The following PTPRG variants were observed in gnomAD, a reference collection of about 807,000 sequenced individuals.
The protein encoded by PTPRG is receptor-type tyrosine-protein phosphatase gamma.
Under a neutral mutation model 165.3 loss-of-function variants are expected in PTPRG, and 102 were observed. The observed-to-expected ratio is 0.62, with a 90% CI of 0.53 to 0.73. The LOEUF is 0.73. Ranked by LOEUF, PTPRG falls within the 30% of genes least tolerant of loss-of-function variation. The pLI, the probability that PTPRG is intolerant of heterozygous loss-of-function variation, is 0.00. For synonymous variants in PTPRG, 675 were observed against 669.5 expected (o/e 1.01, Z -0.13); for missense variants, 1,866 against 1,861.4 (o/e 1.00, Z -0.05).
At chr3:62,155,397 A>G (rs1165532081) in intron 6 of PTPRG, among the ~76,000 whole-genome samples, 2 of 152,198 alleles carry the variant, frequency 1.3e-5, no homozygotes, top group African/African-American at 4.8e-5. Flanking sequence ...CTAAGAGAGC[A>G]TAGTGATGTG....
At chr3:62,014,097 A>C (rs1356674250) in intron 4 of PTPRG, among the ~76,000 whole-genome samples, 4 of 152,254 alleles carry the variant, frequency 2.6e-5, no homozygotes, top group Non-Finnish European at 5.9e-5. Flanking sequence ...AGCCTTTAGC[A>C]AGTTCTTTAG....
chr3:62,062,408 G>A (rs1575953410), intron 4 of PTPRG, among the ~76,000 whole-genome samples: 1 of 152,146 alleles, frequency 6.6e-6, no homozygotes, highest in African/African-American at 2.4e-5. Context: ...GTATACAGGT[G>A]TTCACAGCAA....
At chr3:61,640,390 G>T (rs1395055727) in intron 1 of PTPRG, among the ~76,000 whole-genome samples, 1 of 152,174 alleles carries the variant, frequency 6.6e-6, no homozygotes, top group Non-Finnish European at 1.5e-5. Context: ...TTTCTCTCCA[G>T]TGTATATGTG....
intron 14 of PTPRG, among the ~76,000 whole-genome samples, chr3:62,242,443 T>C (rs1376172410): frequency 1.3e-5 from 2 of 152,212 alleles, no homozygotes; most frequent in African/African-American, 4.8e-5. Context: ...GCAGTCTAGA[T>C]TGATTCTAGA....
chr3:62,123,146 C>G (rs1244429749), intron 5 of PTPRG, among the ~76,000 whole-genome samples: 1 of 152,180 alleles, frequency 6.6e-6, no homozygotes, highest in Non-Finnish European at 1.5e-5. Context: ...ATCAAGGTGT[C>G]AACTGGGACT....
At chr3:61,711,544 T>C (rs907700282) in intron 1 of PTPRG, among the ~76,000 whole-genome samples, 1 of 152,218 alleles carries the variant, frequency 6.6e-6, no homozygotes, top group South Asian at 2.1e-4. Flanking sequence ...TTCTTTCATG[T>C]TTTTTGGCTG....
chr3:61,971,788 T>C (rs79353171), intron 2 of PTPRG, among the ~76,000 whole-genome samples: 15,441 of 152,332 alleles, frequency 0.1, 1,032 homozygotes, highest in Non-Finnish European at 0.15. Flanking sequence ...ACAATTAAAC[T>C]GGTTGACATT....
At chr3:61,944,634 A>C (rs1296664061) in intron 2 of PTPRG, among the ~76,000 whole-genome samples, 1 of 152,208 alleles carries the variant, frequency 6.6e-6, no homozygotes, top group African/African-American at 2.4e-5. Context: ...TGGATTCATT[A>C]GGGAATGACT....
intron 28 of PTPRG, among the ~76,000 whole-genome samples, chr3:62,286,657 A>T (rs1204204718): frequency 2.6e-5 from 4 of 152,132 alleles, no homozygotes; most frequent in African/African-American, 7.2e-5. Context: ...GATGAAAAAA[A>T]TAGGGTTTTT....
At chr3:61,820,640 T>C (rs1397246573) in intron 2 of PTPRG, among the ~76,000 whole-genome samples, 3 of 145,392 alleles carry the variant, frequency 2.1e-5, no homozygotes, top group African/African-American at 5.2e-5. Flanking sequence ...ACTGTGGCTT[T>C]AGGGATAAAA....
At chr3:62,207,834 G>A (rs1186959054) in intron 12 of PTPRG, among the ~76,000 whole-genome samples, 1 of 152,114 alleles carries the variant, frequency 6.6e-6, no homozygotes, top group African/African-American at 2.4e-5. Flanking sequence ...TAATACTAAT[G>A]AGAAACAAGG....
chr3:61,853,227 G>A (rs1204033424), intron 2 of PTPRG, among the ~76,000 whole-genome samples: 1 of 152,166 alleles, frequency 6.6e-6, no homozygotes, highest in Non-Finnish European at 1.5e-5. Flanking sequence ...AGGTGTGTGC[G>A]AGGTTCAGAA....
At chr3:61,996,926 C>G (rs968214893) in intron 3 of PTPRG, among the ~76,000 whole-genome samples, 2 of 152,212 alleles carry the variant, frequency 1.3e-5, no homozygotes. Flanking sequence ...GTAGTAGGAA[C>G]TAGTTTCTGT....
At chr3:61,908,277 T>G (rs1021361967) in intron 2 of PTPRG, among the ~76,000 whole-genome samples, 14 of 151,194 alleles carry the variant, frequency 9.3e-5, no homozygotes, top group African/African-American at 3.4e-4. Context: ...AATGCAAAAC[T>G]TAGCCAGGCA....
intron 4 of PTPRG, among the ~76,000 whole-genome samples, chr3:62,051,443 G>A (rs1273185038): frequency 3.9e-5 from 6 of 152,130 alleles, no homozygotes; most frequent in Non-Finnish European, 1.5e-5. Context: ...CTTTGAACAT[G>A]TGTAAATGTC....
rs555251286 is a variant in PTPRG at position 61,731,598 on chromosome 3, C to T, written c.86-17280C>T. ...TCCTGACCTCGTGATCTGCCCACCT[C>T]GGCCTCCCAAAGTGCTGGGATTACA... is the stretch of plus-strand genomic sequence containing the variant. On this transcript the variant is annotated intron_variant, in intron 1 of 29. Transcript: ENST00000474889. 4.6e-5 allele frequency among the ~76,000 whole-genome samples: 7 copies of T among 152,128 alleles called. No individual in the cohort carries two copies. The East Asian group carries it at 5.8e-4, about 13-fold the overall frequency.
In PTPRG at chr3:61,932,959, A is replaced by T. The variant is rs10452046; in HGVS notation, c.191-56666A>T. On this transcript the variant is annotated intron_variant, in intron 2 of 29. Coordinates refer to ENST00000474889, the MANE Select transcript of PTPRG (RefSeq NM_002841.4). ...AAATGAATGAAACCCCCCACTTGCT[A>T]CTTCACTTTTAGCTAAAAAGTCCAA... 6.6e-5 allele frequency among the ~76,000 whole-genome samples: 10 copies of T among 152,284 alleles called. 1 individual carries two copies. The highest frequency in any genetic ancestry group is 2.4e-4 in the African/African-American group (10 of 41,566).
chr3:61,721,796 A>C (rs1407086128), intron 1 of PTPRG, among the ~76,000 whole-genome samples: 1 of 152,160 alleles, frequency 6.6e-6, no homozygotes, highest in Non-Finnish European at 1.5e-5. Flanking sequence ...ACAATGAGAA[A>C]ATAAAGAAAT....
At position 61,977,013 on chromosome 3, in the gene PTPRG, A is replaced by G. The variant is rs190140015; in HGVS notation, c.191-12612A>G. On this transcript the variant is annotated intron_variant, in intron 2 of 29. Transcript: ENST00000474889. ...TTTCTCCCACATAATTCCATAATGCATTGTTTCTCAACCTTGTTTATTATT... is the reference window on the plus strand; with the variant it reads ...TTTCTCCCACATAATTCCATAATGCGTTGTTTCTCAACCTTGTTTATTATT... Among the ~76,000 whole-genome samples the G allele has an allele frequency of 2.7e-3, 410 of 151,982 alleles. 2 individuals are homozygous for G. Among genetic ancestry groups the G allele is most frequent in the Non-Finnish European group, 4.7e-3 (318 of 67,968 alleles).
Sources: gnomAD v4.1 joint callset for allele counts (sites outside exome capture counted in the v4.1 genomes callset) on GRCh38, gnomAD v4.1.1 for gene constraint, MANE v1.5 for transcripts, NCBI Gene and HGNC (gene_info 2026-07-23, HGNC 2026-07-21) for gene names.